Variants in UBXN2A observed in about 807,000 individuals in gnomAD.
The protein encoded by UBXN2A is UBX domain protein 2A.
In UBXN2A, 28 loss-of-function variants were observed where a neutral mutation model predicts 28.4. The observed-to-expected ratio is 0.99, with a 90% CI of 0.73 to 1.35. The LOEUF is 1.35. Among genes scored for constraint, UBXN2A ranks in the 40% most tolerant of loss-of-function variants. The pLI, the probability that UBXN2A is intolerant of heterozygous loss-of-function variation, is 0.00. For synonymous variants in UBXN2A, 97 were observed against 103.6 expected (o/e 0.94, Z 0.39); for missense variants, 253 against 297.9 (o/e 0.85, Z 1.11).
intron 1 of UBXN2A, among the ~76,000 whole-genome samples, chr2:23,951,660 C>G (rs1706379137): frequency 6.6e-6 from 1 of 151,748 alleles, no homozygotes; most frequent in African/African-American, 2.4e-5. Context: ...GGGGTTTCAC[C>G]ATGTTGACCA....
chr2:23,941,667 C>G (rs763287216), intron 1 of UBXN2A, among the ~76,000 whole-genome samples: 5 of 152,040 alleles, frequency 3.3e-5, no homozygotes, highest in Non-Finnish European at 7.4e-5. Context: ...TAATTTTTTT[C>G]ATTCAAAAAA....
chr2:23,949,324 C>G (rs1429291221), intron 1 of UBXN2A, among the ~76,000 whole-genome samples: 2 of 151,808 alleles, frequency 1.3e-5, no homozygotes, highest in Admixed American at 6.6e-5. Context: ...GTAATCCCAG[C>G]ACTGTGGGAG....
intron 2 of UBXN2A, among the ~76,000 whole-genome samples, chr2:23,964,870 G>A (rs182237107): frequency 2.8e-4 from 43 of 152,226 alleles, no homozygotes; most frequent in Middle Eastern, 3.4e-3. Flanking sequence ...CTGGCTGAGC[G>A]CAGTGGCTCA....
upstream of UBXN2A, among the ~76,000 whole-genome samples, chr2:23,939,202 G>C (rs2150790464): frequency 6.6e-6 from 1 of 152,266 alleles, no homozygotes; most frequent in African/African-American, 2.4e-5. Flanking sequence ...TATTGCAATA[G>C]GAAGAAGGAC....
chr2:23,982,921 A>AT lies in UBXN2A; in HGVS notation c.318dup (p.Asp107Ter), dbSNP rs1707971557. On this transcript the variant is annotated frameshift_variant, in exon 5 of 7. Coordinates refer to ENST00000309033, the MANE Select transcript of UBXN2A (RefSeq NM_181713.4). LOFTEE classifies it high-confidence loss of function. ...GGAATTACCTTCAGAATTACAGGGA[A>AT]TTTTTGATAAAGAAGAGGTGGACGT... The AT allele has an allele frequency of 1.9e-6, 3 of 1,608,300 alleles. No individual in the cohort carries two copies. The highest frequency in any genetic ancestry group is 2.5e-6 in the Non-Finnish European group (3 of 1,177,610).
chr2:23,984,946 G>A (rs1708064884), intron 6 of UBXN2A, 115 bp downstream of exon 6: 1 of 1,166,078 alleles, frequency 8.6e-7, no homozygotes, highest in Non-Finnish European at 1.1e-6. Context: ...TTGTTGCCCA[G>A]GCCAGAGTGC....
chr2:23,959,115 G>A (rs980856516), intron 2 of UBXN2A, among the ~76,000 whole-genome samples: 4 of 152,130 alleles, frequency 2.6e-5, no homozygotes, highest in Admixed American at 6.6e-5. Flanking sequence ...TTATAAGCGT[G>A]AGCCACCATG....
At chr2:23,956,134 G>A (rs373167608) in intron 1 of UBXN2A, among the ~76,000 whole-genome samples, 1 of 151,594 alleles carries the variant, frequency 6.6e-6, no homozygotes, top group East Asian at 1.9e-4. Context: ...AAAGTGCTGG[G>A]AGTACAGGCA....
chr2:23,933,736 A>C (rs1183101503), intron 1 of UBXN2A, among the ~76,000 whole-genome samples: 1 of 151,996 alleles, frequency 6.6e-6, no homozygotes, highest in Non-Finnish European at 1.5e-5. Context: ...GAAAAAAAAC[A>C]AAAACAGAAA....
At chr2:23,960,810 T>C (rs900607325) in intron 2 of UBXN2A, among the ~76,000 whole-genome samples, 1 of 152,010 alleles carries the variant, frequency 6.6e-6, no homozygotes, top group Non-Finnish European at 1.5e-5. Context: ...GTTTTTTGTA[T>C]TTTTAGTGCA....
At chr2:23,980,170 C>A (rs1024553375) in intron 4 of UBXN2A, among the ~76,000 whole-genome samples, 2 of 152,174 alleles carry the variant, frequency 1.3e-5, no homozygotes, top group African/African-American at 4.8e-5. Context: ...TACTTTCTGT[C>A]TATCTCTATG....
chr2:23,967,672 A>G (rs958589923), intron 2 of UBXN2A, among the ~76,000 whole-genome samples: 4 of 152,202 alleles, frequency 2.6e-5, no homozygotes, highest in Admixed American at 2.6e-4. Context: ...CTTTTAGACA[A>G]TATGCTATAC....
chr2:23,946,533 G>C (rs1706088784), intron 1 of UBXN2A, among the ~76,000 whole-genome samples: 1 of 151,644 alleles, frequency 6.6e-6, no homozygotes, highest in Non-Finnish European at 1.5e-5. Flanking sequence ...ATGTTGGCCA[G>C]GATGGTCTCC....
At chr2:23,988,223 A>G (rs1708209118) in intron 6 of UBXN2A, among the ~76,000 whole-genome samples, 1 of 152,160 alleles carries the variant, frequency 6.6e-6, no homozygotes, top group Admixed American at 6.6e-5. Flanking sequence ...GGTATAGATT[A>G]TCTGTAAACA....
chr2:23,996,174 C>T (rs1451416348), intron 6 of UBXN2A, among the ~76,000 whole-genome samples: 1 of 150,004 alleles, frequency 6.7e-6, no homozygotes, highest in African/African-American at 2.5e-5. Context: ...TCAAGTGATT[C>T]TCCTGCCTCA....
upstream of UBXN2A, chr2:23,940,325 A>G (rs1271667452): frequency 6.6e-6 from 1 of 151,762 alleles, no homozygotes; most frequent in Non-Finnish European, 1.5e-5. Context: ...CCGCCGGGCC[A>G]GTGGTGGGAA....
At chr2:23,951,916 T>G (rs1706390907) in intron 1 of UBXN2A, among the ~76,000 whole-genome samples, 1 of 152,100 alleles carries the variant, frequency 6.6e-6, no homozygotes, top group South Asian at 2.1e-4. Flanking sequence ...GAAGAAATCT[T>G]ATGAGAAAAC....
rs1297026431 is a variant in UBXN2A, at chr2:24,004,658, AAAAG to A, written c.*4795_*4798del. 1 of 152,222 alleles carries A rather than the reference AAAAG, an allele frequency of 6.6e-6. No individual in the cohort carries two copies. Among genetic ancestry groups the A allele is most frequent in the Non-Finnish European group, 1.5e-5 (1 of 68,052 alleles). The allele number at this position is 152,222 out of a possible 1,614,324, so 9.4% of individuals were successfully genotyped here. A position where few individuals can be genotyped will look rare whatever the true frequency, so the allele number is the denominator to read the frequency against. ...AACAGAGCGAGACTCCGTCTCAAAA[AAAAG>A]AAAAAAAGAAATACATATCTAATGT... On this transcript the variant is annotated 3_prime_UTR_variant, in exon 7 of 7. Coordinates refer to ENST00000309033, the MANE Select transcript of UBXN2A (RefSeq NM_181713.4).
intron 1 of UBXN2A, among the ~76,000 whole-genome samples, chr2:23,941,236 G>C (rs886610422): frequency 6.6e-6 from 1 of 152,128 alleles, no homozygotes; most frequent in African/African-American, 2.4e-5. Context: ...TACGTAATTT[G>C]AGATAAGTAA....
Sources: gnomAD v4.1 joint callset for allele counts (sites outside exome capture counted in the v4.1 genomes callset) on GRCh38, gnomAD v4.1.1 for gene constraint, MANE v1.5 for transcripts, NCBI Gene and HGNC (gene_info 2026-07-23, HGNC 2026-07-21) for gene names.